The following MANBA variants were observed in gnomAD, a reference collection of about 807,000 sequenced individuals.
MANBA encodes mannosidase beta.
Under a neutral mutation model 111.1 loss-of-function variants are expected in MANBA, and 83 were observed. That is an observed-to-expected ratio of 0.75 (90% CI 0.63 to 0.90). The LOEUF is 0.90. Among genes scored for constraint, MANBA ranks in the 40% least tolerant of loss-of-function variants. The pLI, the probability that MANBA is intolerant of heterozygous loss-of-function variation, is 0.00. For missense variants in MANBA, 1,036 were observed against 1,069.0 expected (o/e 0.97, Z 0.43); for synonymous variants, 370 against 378.7 (o/e 0.98, Z 0.27).
intron 11 of MANBA, among the ~76,000 whole-genome samples, chr4:102,661,679 C>T (rs1730963066): frequency 6.6e-6 from 1 of 152,200 alleles, no homozygotes; most frequent in African/African-American, 2.4e-5. Flanking sequence ...AAGTCTCTAC[C>T]TAAAAATATC....
chr4:102,632,790 C>T (rs1180367348), intron 16 of MANBA, among the ~76,000 whole-genome samples: 3 of 152,228 alleles, frequency 2.0e-5, no homozygotes, highest in South Asian at 2.1e-4. Context: ...AGTAAAGTCA[C>T]ATTATTAGCA....
chr4:102,732,418 C>G (rs1257765092), intron 1 of MANBA, among the ~76,000 whole-genome samples: 2 of 152,266 alleles, frequency 1.3e-5, no homozygotes, highest in African/African-American at 2.4e-5. Context: ...AAAGCCAACT[C>G]TGTCTAAGTT....
At chr4:102,632,609 A>C (rs890178607) in intron 16 of MANBA, among the ~76,000 whole-genome samples, 3 of 152,224 alleles carry the variant, frequency 2.0e-5, no homozygotes, top group Admixed American at 6.5e-5. Flanking sequence ...TTTTACATAC[A>C]GCCTGGGTGG....
At chr4:102,748,475 TGTATC>T (rs1723665494) in intron 1 of MANBA, among the ~76,000 whole-genome samples, 1 of 152,170 alleles carries the variant, frequency 6.6e-6, no homozygotes, top group Admixed American at 6.5e-5. Flanking sequence ...GGAAAATACA[TGTATC>T]TATATATGAT....
chr4:102,729,423 G>A lies in MANBA; in HGVS notation c.178-2740C>T, dbSNP rs190455833. 282 of 1,230,996 alleles carry A rather than the reference G, an allele frequency of 2.3e-4. No individual in the cohort carries two copies. In the African/African-American group the frequency reaches 3.8e-3, roughly 17 times the overall value. 76.3% of individuals were successfully genotyped at this position (1,230,996 alleles called of 1,614,324 possible). A position where few individuals can be genotyped will look rare whatever the true frequency, so the allele number is the denominator to read the frequency against. ...TGCTGTTCATGCCCAGGGAGCGGCT[G>A]TTGTCCATGGGCAGCACCACAGATG... On this transcript the variant is annotated intron_variant, in intron 1 of 16. Coordinates refer to ENST00000647097, the MANE Select transcript of MANBA (RefSeq NM_005908.4).
At chr4:102,670,900 A>C (rs1731466746) in intron 9 of MANBA, 1 of 155,036 alleles carries the variant, frequency 6.5e-6, no homozygotes, top group African/African-American at 2.4e-5. Flanking sequence ...ATTTAGAAAA[A>C]CAATATGAAA....
chr4:102,674,494 A>G (rs227278), intron 7 of MANBA, among the ~76,000 whole-genome samples: 68,829 of 152,172 alleles, frequency 0.45, 16,701 homozygotes, highest in South Asian at 0.57. Context: ...ATCAAATGTT[A>G]TAACTTAACA....
chr4:102,728,993 A>C, intron 1 of MANBA: 1 of 947,988 alleles, frequency 1.1e-6, no homozygotes, highest in Admixed American at 1.7e-5. Flanking sequence ...GCCCTCCAGC[A>C]GCTTCCTGTA....
intron 16 of MANBA, 96 bp downstream of exon 16, chr4:102,634,692 G>C (rs1299572316): frequency 3.9e-6 from 6 of 1,524,616 alleles, no homozygotes; most frequent in Non-Finnish European, 5.4e-6. Context: ...CACCAAGGGG[G>C]ACACATGCAA....
intron 7 of MANBA, among the ~76,000 whole-genome samples, chr4:102,675,552 C>T (rs1731688653): frequency 6.6e-6 from 1 of 152,150 alleles, no homozygotes; most frequent in Non-Finnish European, 1.5e-5. Flanking sequence ...CAAAGTTTCC[C>T]TTGCAACCTA....
Position 102,632,157 on chromosome 4 carries a change from G to T in MANBA, c.2540C>A (p.Thr847Asn), listed in dbSNP as rs376012848. Residue 847 changes from threonine to asparagine, a missense_variant, in exon 17 of 17, where the codon ACT becomes AAT. Transcript: ENST00000647097. ...GRFSDNGFLM[T>N]EKTRTILFYP... ...AAATAATATAGTTCGTGTCTTCTCA[G>T]TCATGAGGAAACCATTGTCACTAAA... The T allele has an allele frequency of 3.0e-5, 49 of 1,613,204 alleles. No homozygotes were observed. The highest frequency in any genetic ancestry group is 3.3e-4 in the Middle Eastern group (2 of 6,058).
Position 102,748,710 on chromosome 4 carries a change from C to T in MANBA, c.177+12008G>A, listed in dbSNP as rs528350497. On this transcript the variant is annotated intron_variant, in intron 1 of 16. Transcript: ENST00000647097. ...TGGGCGGATCACAAGGTCAGGAGTT[C>T]GAGACCAGCCTGGCCAACATGATGA... Among the ~76,000 whole-genome samples the T allele has an allele frequency of 4.6e-5, 7 of 152,148 alleles. No homozygotes were observed. In the East Asian group the frequency reaches 9.7e-4, roughly 21 times the overall value.
intron 1 of MANBA, among the ~76,000 whole-genome samples, chr4:102,746,986 A>C (rs1723611010): frequency 6.6e-6 from 1 of 151,460 alleles, no homozygotes; most frequent in Non-Finnish European, 1.5e-5. Context: ...AAAAAAAAAA[A>C]AGAAAGAAAA....
At chr4:102,711,172 G>A (rs1007217388) in intron 5 of MANBA, among the ~76,000 whole-genome samples, 2 of 152,174 alleles carry the variant, frequency 1.3e-5, no homozygotes, top group Non-Finnish European at 2.9e-5. Context: ...TCAACAGAAT[G>A]TAGAGACAAC....
At chr4:102,752,033 T>C in intron 1 of MANBA, 1 of 749,176 alleles carries the variant, frequency 1.3e-6, no homozygotes. Context: ...TGGGATAAGA[T>C]GCTAAAGATC....
chr4:102,728,945 C>T, intron 1 of MANBA: 1 of 771,702 alleles, frequency 1.3e-6, no homozygotes, highest in Non-Finnish European at 2.3e-6. Context: ...TGTATGGATA[C>T]TCATGTTCTG....
At chr4:102,754,716 C>G (rs928545958) in intron 1 of MANBA, among the ~76,000 whole-genome samples, 1 of 151,954 alleles carries the variant, frequency 6.6e-6, no homozygotes, top group Non-Finnish European at 1.5e-5. Flanking sequence ...GCCACCACGC[C>G]GGACTAATTT....
intron 1 of MANBA, among the ~76,000 whole-genome samples, chr4:102,736,769 C>T (rs1723230388): frequency 6.6e-6 from 1 of 152,218 alleles, no homozygotes; most frequent in African/African-American, 2.4e-5. Context: ...GAGACTCACA[C>T]TGTGAATTTT....
rs775889221 is a variant in MANBA, at chr4:102,639,845, G to A, written c.1882C>T (p.Gln628Ter). The change falls in exon 14 of 17, where the codon CAG becomes TAG. Residue 628 changes from glutamine to a stop codon, truncating the protein, a stop_gained. Transcript: ENST00000647097. LOFTEE classifies it high-confidence loss of function. ...TIYLTQVMQA[Q>*]CVKTETEFYR... ...AATTCAGTTTCTGTTTTGACACACT[G>A]GGCCTGCATCACCTGATTCAGGAAA... 6.2e-7 allele frequency: 1 copy of A among 1,614,072 alleles called. No individual in the cohort carries two copies. The highest frequency in any genetic ancestry group is 1.7e-5 in the Admixed American group (1 of 60,008).
Sources: allele counts gnomAD v4.1 joint callset (sites outside exome capture counted in the v4.1 genomes callset), GRCh38; gene constraint gnomAD v4.1.1; transcripts MANE v1.5; gene names NCBI Gene and HGNC (gene_info 2026-07-23, HGNC 2026-07-21).